Variants in COL13A1 observed in about 807,000 individuals in gnomAD.
COL13A1 encodes the protein collagen alpha-1(XIII) chain.
A neutral mutation model predicts 130.9 loss-of-function variants in COL13A1; 89 were observed. That is an observed-to-expected ratio of 0.68 (90% CI 0.57 to 0.81). The LOEUF is 0.81. COL13A1 is among the 30% of genes least tolerant of loss of function. The pLI, the probability that COL13A1 is intolerant of heterozygous loss-of-function variation, is 0.00. For missense variants in COL13A1, 879 were observed against 934.6 expected, an observed-to-expected ratio of 0.94 and a Z score of 0.78; for synonymous variants, 402 against 341.6, an observed-to-expected ratio of 1.18 and a Z score of -1.95.
At chr10:69,930,138 G>A (rs2065913486) in intron 29 of COL13A1, 51 bp downstream of exon 29, 3 of 1,587,092 alleles carry the variant, frequency 1.9e-6, no homozygotes, top group Admixed American at 3.4e-5. Context: ...CTTGGCCCTG[G>A]GGGCAGGAGG....
intron 1 of COL13A1, among the ~76,000 whole-genome samples, chr10:69,816,858 T>C (rs969354957): frequency 1.4e-4 from 21 of 151,690 alleles, no homozygotes; most frequent in African/African-American, 4.4e-4. Context: ...CAGGTAGGAG[T>C]GGTCCAGGAG....
At chr10:69,934,177 A>C (rs918445738) in intron 31 of COL13A1, among the ~76,000 whole-genome samples, 6 of 152,150 alleles carry the variant, frequency 3.9e-5, no homozygotes, top group African/African-American at 4.8e-5. Flanking sequence ...TCTTTTTATT[A>C]TTTTTAAAAT....
intron 1 of COL13A1, among the ~76,000 whole-genome samples, chr10:69,810,844 G>A (rs1842855400): frequency 1.3e-5 from 2 of 152,242 alleles, no homozygotes; most frequent in South Asian, 2.1e-4. Flanking sequence ...ACAGCCCTGG[G>A]TGTGGGGCCT....
intron 2 of COL13A1, among the ~76,000 whole-genome samples, chr10:69,834,435 G>A (rs558387292): frequency 6.6e-6 from 1 of 152,190 alleles, no homozygotes; most frequent in South Asian, 2.1e-4. Flanking sequence ...TACTAGGTGT[G>A]GGCCAAGGAG....
At chr10:69,846,107 A>G (rs1043587959) in intron 2 of COL13A1, among the ~76,000 whole-genome samples, 3 of 152,218 alleles carry the variant, frequency 2.0e-5, no homozygotes, top group Non-Finnish European at 2.9e-5. Context: ...GCCGGAAATA[A>G]ACTTTTATGA....
At chr10:69,853,014 G>A (rs1402362280) in intron 2 of COL13A1, among the ~76,000 whole-genome samples, 2 of 148,632 alleles carry the variant, frequency 1.3e-5, no homozygotes, top group African/African-American at 2.5e-5. Context: ...TGGGGCGGGG[G>A]AGCGGGGGGA....
At chr10:69,943,932 G>A (rs534603754) in intron 35 of COL13A1, among the ~76,000 whole-genome samples, 193 bp from the exon 36 acceptor site, 61 of 152,340 alleles carry the variant, frequency 4.0e-4, no homozygotes, top group African/African-American at 1.3e-3. Flanking sequence ...GGCATGGGGA[G>A]GTGCTCTCTC....
chr10:69,807,422 TAAC>T (rs1242050298), intron 1 of COL13A1, among the ~76,000 whole-genome samples: 1 of 152,202 alleles, frequency 6.6e-6, no homozygotes, highest in Non-Finnish European at 1.5e-5. Flanking sequence ...TCCCTAAAAA[TAAC>T]AACAATTATA....
chr10:69,919,659 C>T lies in COL13A1; in HGVS notation c.1027-6C>T. The T allele has an allele frequency of 2.5e-6, 1 of 398,860 alleles. No individual in the cohort carries two copies. The highest frequency in any genetic ancestry group is 4.4e-6 in the Non-Finnish European group (1 of 226,244). 24.7% of individuals were successfully genotyped at this position (398,860 alleles called of 1,614,324 possible). A position where few individuals can be genotyped will look rare whatever the true frequency, so the allele number is the denominator to read the frequency against. On this transcript the variant is annotated splice_polypyrimidine_tract_variant and splice_region_variant and intron_variant, in intron 20 of 40. Transcript: ENST00000645393. Reference sequence around the variant, plus strand: ...TTATCAGTGACTTTCTCTTCTTACCCCAAAGGGAGACCCAGGAGCAGAAGG... The same window carrying T: ...TTATCAGTGACTTTCTCTTCTTACCTCAAAGGGAGACCCAGGAGCAGAAGG...
chr10:69,823,890 G>T (rs573945169), intron 2 of COL13A1, among the ~76,000 whole-genome samples: 1 of 152,318 alleles, frequency 6.6e-6, no homozygotes, highest in East Asian at 1.9e-4. Flanking sequence ...TGGAGGCAAG[G>T]GTTGGGTGAT....
chr10:69,941,576 C>T (rs1444964740), intron 35 of COL13A1, among the ~76,000 whole-genome samples: 3 of 152,194 alleles, frequency 2.0e-5, no homozygotes, highest in Non-Finnish European at 4.4e-5. Context: ...GTCTTATGCA[C>T]GTTCTAACCA....
chr10:69,901,307 A>G (rs723332), intron 14 of COL13A1, among the ~76,000 whole-genome samples: 2,182 of 152,354 alleles, frequency 0.014, 50 homozygotes, highest in African/African-American at 0.05. Flanking sequence ...CCCAGGCTCC[A>G]GAGTGACACT....
At chr10:69,906,196 G>A (rs1427038508) in intron 17 of COL13A1, among the ~76,000 whole-genome samples, 2 of 152,250 alleles carry the variant, frequency 1.3e-5, no homozygotes, top group East Asian at 3.8e-4. Context: ...AGAGAAGTTT[G>A]GGAAATATTC....
At chr10:69,918,983 C>T (rs1254068079) in intron 19 of COL13A1, 79 bp from the exon 20 acceptor site, 1 of 1,578,820 alleles carries the variant, frequency 6.3e-7, no homozygotes, top group East Asian at 2.2e-5. Context: ...GCCCCCAACC[C>T]CACCTCCACC....
chr10:69,891,669 G>A (rs897023059), intron 10 of COL13A1, among the ~76,000 whole-genome samples: 13 of 152,212 alleles, frequency 8.5e-5, no homozygotes, highest in African/African-American at 2.9e-4. Context: ...GAGGCATAAA[G>A]GGCTTGGGGT....
chr10:69,862,824 A>G (rs1858558168), intron 2 of COL13A1, among the ~76,000 whole-genome samples: 1 of 152,210 alleles, frequency 6.6e-6, no homozygotes, highest in Non-Finnish European at 1.5e-5. Flanking sequence ...GGGAACAATA[A>G]CCAACAATAC....
At chr10:69,848,572 C>T (rs1000012450) in intron 2 of COL13A1, among the ~76,000 whole-genome samples, 3 of 152,162 alleles carry the variant, frequency 2.0e-5, no homozygotes, top group South Asian at 2.1e-4. Flanking sequence ...GATCACTCAC[C>T]GTGTAAGAAA....
intron 5 of COL13A1, 137 bp downstream of exon 5, chr10:69,875,300 G>A: frequency 9.6e-7 from 1 of 1,045,580 alleles, no homozygotes. Flanking sequence ...CCAAGCCCCA[G>A]TGTGCTTTAG....
intron 40 of COL13A1, 92 bp downstream of exon 40, chr10:69,957,134 C>A: frequency 8.8e-7 from 1 of 1,134,350 alleles, no homozygotes; most frequent in Non-Finnish European, 1.3e-6. Flanking sequence ...ACAGATGAGG[C>A]AGCAAGACAT....
Sources: allele counts gnomAD v4.1 joint callset (sites outside exome capture counted in the v4.1 genomes callset), GRCh38; gene constraint gnomAD v4.1.1; transcripts MANE v1.5; gene names NCBI Gene and HGNC (gene_info 2026-07-23, HGNC 2026-07-21).